Variants in FLI1 observed in about 807,000 individuals in gnomAD.
FLI1 encodes the protein Fli-1 proto-oncogene, ETS transcription factor.
Under a neutral mutation model 53.1 loss-of-function variants are expected in FLI1, and 13 were observed. The observed-to-expected ratio is 0.24, with a 90% CI of 0.16 to 0.39. The LOEUF (loss-of-function observed/expected upper bound fraction) is 0.39. FLI1 is among the 10% of genes least tolerant of loss of function. The probability of loss-of-function intolerance (pLI) is 1.00; values close to 1 mark genes in which losing one functional copy is unlikely to be tolerated. For missense variants in FLI1, 424 were observed against 600.5 expected (o/e 0.71, Z 3.07); for synonymous variants, 244 against 236.7 (o/e 1.03, Z -0.28).
At chr11:128,783,645 T>C (rs1941993537) in intron 5 of FLI1, among the ~76,000 whole-genome samples, 1 of 152,212 alleles carries the variant, frequency 6.6e-6, no homozygotes, top group African/African-American at 2.4e-5. Flanking sequence ...ACGCATTAGA[T>C]TGAAGGTCAG....
intron 1 of FLI1, among the ~76,000 whole-genome samples, chr11:128,726,901 T>C (rs1939508410): frequency 6.6e-6 from 1 of 152,052 alleles, no homozygotes; most frequent in Non-Finnish European, 1.5e-5. Context: ...GGAAGTTAAG[T>C]TCTGAAGGAG....
intron 5 of FLI1, among the ~76,000 whole-genome samples, chr11:128,801,179 G>A (rs1447702209): frequency 6.6e-6 from 1 of 152,198 alleles, no homozygotes; most frequent in African/African-American, 2.4e-5. Flanking sequence ...GCACGCTCAG[G>A]CTTCTTCTCA....
intron 1 of FLI1, among the ~76,000 whole-genome samples, chr11:128,704,721 A>G (rs935389075): frequency 1.3e-5 from 2 of 152,208 alleles, no homozygotes; most frequent in African/African-American, 2.4e-5. Flanking sequence ...GAAGGCCCCA[A>G]TTCAGTTTGA....
chr11:128,707,531 G>A (rs552958301), intron 1 of FLI1, among the ~76,000 whole-genome samples: 117 of 152,230 alleles, frequency 7.7e-4, no homozygotes, highest in African/African-American at 2.7e-3. Context: ...CTTGGGGAAG[G>A]CATCCAGCCC....
rs1401362926 is a variant in FLI1 at position 128,812,851 on chromosome 11, GT to G, written c.*1864del. 3.5e-5 allele frequency: 4 copies of G among 115,466 alleles called. No homozygotes were observed. The highest frequency in any genetic ancestry group is 6.0e-5 in the African/African-American group (2 of 33,590). The allele number at this position is 115,466 out of a possible 1,614,324, so 7.2% of individuals were successfully genotyped here. On this transcript the variant is annotated 3_prime_UTR_variant, in exon 9 of 9. Coordinates refer to ENST00000527786, the MANE Select transcript of FLI1 (RefSeq NM_002017.5). ...TTTATGGCTCATGCAGATTTTTAAG[GT>G]CATTTTTCTTCCCAAGGAAGAAACT...
Position 128,733,412 on chromosome 11 carries a change from T to C in FLI1, c.19-24703T>C, listed in dbSNP as rs577686578. Among the ~76,000 whole-genome samples, 3 of 152,306 alleles carry C rather than the reference T, an allele frequency of 2.0e-5. No homozygotes were observed. The South Asian group carries it at 6.2e-4, about 32-fold the overall frequency. The stretch of plus-strand genomic sequence containing the variant: ...ACTAGTAGGATTAGTGTCCTGCTGG[T>C]GTCCCGGAAGCATCTCAGTAGCTCT... On this transcript the variant is annotated intron_variant, in intron 1 of 8. Transcript: ENST00000527786.
intron 1 of FLI1, among the ~76,000 whole-genome samples, chr11:128,718,554 AGT>A (rs1247667094): frequency 5.9e-5 from 9 of 152,168 alleles, no homozygotes; most frequent in Non-Finnish European, 1.3e-4. Flanking sequence ...GGCGGGAAGG[AGT>A]AGGTGGTAAG....
rs1293500680 is a variant in FLI1, at chr11:128,812,671, A to C, written c.*1683A>C. The C allele has an allele frequency of 1.4e-5, 3 of 221,730 alleles. No individual in the cohort carries two copies. Among genetic ancestry groups the C allele is most frequent in the African/African-American group, 6.7e-5 (3 of 44,850 alleles). The allele number at this position is 221,730 out of a possible 1,614,324, so 13.7% of individuals were successfully genotyped here. On this transcript the variant is annotated 3_prime_UTR_variant, in exon 9 of 9. Coordinates refer to ENST00000527786, the MANE Select transcript of FLI1 (RefSeq NM_002017.5). ...CAGCTAAGGCCATGGATAAACCTGT[A>C]TGTAAGGACTGGAGCAAAGCGAGCT...
intron 1 of FLI1, among the ~76,000 whole-genome samples, chr11:128,757,046 T>TTCCC (rs1555116913): frequency 2.1e-5 from 1 of 47,552 alleles, no homozygotes; most frequent in African/African-American, 1.0e-4. Flanking sequence ...AGCTAATTTT[T>TTCCC]TCTTTCTTTC....
At chr11:128,752,440 C>T (rs562650993) in intron 1 of FLI1, among the ~76,000 whole-genome samples, 4 of 152,280 alleles carry the variant, frequency 2.6e-5, no homozygotes, top group East Asian at 1.9e-4. Flanking sequence ...GTACTAGATG[C>T]GTAATGAGCA....
chr11:128,799,052 A>ATTATTT lies in FLI1; in HGVS notation c.656-6312_656-6311insATTTTT, dbSNP rs1555125698. On this transcript the variant is annotated intron_variant, in intron 5 of 8. Coordinates refer to ENST00000527786, the MANE Select transcript of FLI1 (RefSeq NM_002017.5). ...TATTATTATTATTATTATTATTATT[A>ATTATTT]TTTTGCTTTGGAGACAGGATCTCAC... Among the ~76,000 whole-genome samples the ATTATTT allele has an allele frequency of 2.5e-3, 356 of 140,446 alleles. 4 individuals carry two copies. Among genetic ancestry groups the ATTATTT allele is most frequent in the Middle Eastern group, 0.015 (4 of 270 alleles). The allele number at this position is 140,446 out of a possible 152,430, so 92.1% of individuals were successfully genotyped here.
At chr11:128,789,469 G>A (rs1003434974) in intron 5 of FLI1, among the ~76,000 whole-genome samples, 9 of 152,218 alleles carry the variant, frequency 5.9e-5, no homozygotes, top group Non-Finnish European at 1.5e-5. Context: ...TGTTAAAGCA[G>A]GGTGATGGGG....
At chr11:128,788,818 A>C (rs550472732) in intron 5 of FLI1, among the ~76,000 whole-genome samples, 1 of 152,244 alleles carries the variant, frequency 6.6e-6, no homozygotes, top group African/African-American at 2.4e-5. Flanking sequence ...CCATTCATTC[A>C]TTTCTTTCTT....
At chr11:128,699,294 C>T (rs113354065) in intron 1 of FLI1, among the ~76,000 whole-genome samples, 1 of 151,978 alleles carries the variant, frequency 6.6e-6, no homozygotes. Flanking sequence ...AGTCTAATGC[C>T]AGTACTAAGT....
chr11:128,723,454 A>G (rs1425257730), intron 1 of FLI1, among the ~76,000 whole-genome samples: 1 of 152,180 alleles, frequency 6.6e-6, no homozygotes, highest in Non-Finnish European at 1.5e-5. Context: ...GAGCAGGAAC[A>G]CTATGGGTAA....
Position 128,810,452 on chromosome 11 carries a change from C to G in FLI1, c.830-7C>G. 6.3e-7 allele frequency: 1 copy of G among 1,585,142 alleles called. No individual in the cohort carries two copies. On this transcript the variant is annotated splice_polypyrimidine_tract_variant and splice_region_variant and intron_variant, in intron 8 of 8. Transcript: ENST00000527786. This position sits in a 1 kb window ranked among gnomAD's most constrained non-coding sequence, Gnocchi z 6.6. ...CTGTTCTCTCCCGTTTGCCTCACGGCGTGCAGGAAGCGGGCAGATCCAGCT... is the reference window on the plus strand; with the variant it reads ...CTGTTCTCTCCCGTTTGCCTCACGGGGTGCAGGAAGCGGGCAGATCCAGCT...
At chr11:128,795,363 G>A (rs773050523) in intron 5 of FLI1, among the ~76,000 whole-genome samples, 1 of 151,900 alleles carries the variant, frequency 6.6e-6, no homozygotes, top group Non-Finnish European at 1.5e-5. Context: ...TTTTCTCCTG[G>A]CTCTTTTCTT....
rs201562200 is a variant in FLI1, at chr11:128,735,047, C to T, written c.19-23068C>T. On this transcript the variant is annotated intron_variant, in intron 1 of 8. Coordinates refer to ENST00000527786, the MANE Select transcript of FLI1 (RefSeq NM_002017.5). Reference sequence around the variant, plus strand: ...CCCCTTCCCGCTTTATGACCACGAACGTAGTCCTTCAGAACCTTTGTTTCT... The same window carrying T: ...CCCCTTCCCGCTTTATGACCACGAATGTAGTCCTTCAGAACCTTTGTTTCT... 7.9e-5 allele frequency among the ~76,000 whole-genome samples: 12 copies of T among 152,156 alleles called. No homozygotes were observed. The East Asian group carries it at 1.9e-3, about 24-fold the overall frequency.
At chr11:128,702,634 G>A (rs545299036) in intron 1 of FLI1, among the ~76,000 whole-genome samples, 3 of 152,176 alleles carry the variant, frequency 2.0e-5, no homozygotes, top group African/African-American at 7.2e-5. Flanking sequence ...GGCCAAGGCG[G>A]GTGGATCACC....
Sources: gnomAD v4.1 joint callset for allele counts (sites outside exome capture counted in the v4.1 genomes callset) on GRCh38, gnomAD v4.1.1 for gene constraint, Gnocchi (gnomAD v3.1) non-coding constraint, MANE v1.5 for transcripts, NCBI Gene and HGNC (gene_info 2026-07-23, HGNC 2026-07-21) for gene names.